The following LINGO2 variants were observed in gnomAD, a reference collection of about 807,000 sequenced individuals.
LINGO2 encodes leucine rich repeat and Ig domain containing 2.
A neutral mutation model predicts 30.6 loss-of-function variants in LINGO2; 14 were observed. That is an observed-to-expected ratio of 0.46 (90% CI 0.30 to 0.72). The LOEUF (loss-of-function observed/expected upper bound fraction) is 0.72. LINGO2 is among the 30% of genes least tolerant of loss of function. The pLI, the probability that LINGO2 is intolerant of heterozygous loss-of-function variation, is 0.07. For missense variants in LINGO2, 729 were observed against 751.7 expected, an observed-to-expected ratio of 0.97 and a Z score of 0.35; for synonymous variants, 317 against 288.5, an observed-to-expected ratio of 1.10 and a Z score of -1.00.
chr9:28,506,748 G>A (rs955157046), intron 1 of LINGO2, among the ~76,000 whole-genome samples: 10 of 151,254 alleles, frequency 6.6e-5, no homozygotes, highest in African/African-American at 2.4e-4. Context: ...GCTGTGAGTT[G>A]TTTTGTCTCT....
At position 28,561,733 on chromosome 9, in the gene LINGO2, T is replaced by G. The variant is rs1414945510; in HGVS notation, c.-364-85708A>C. ...TTATATATAAATGTATTATATATAA[T>G]TTTGTGTGTGTGTGTGTATATATAT... is the stretch of plus-strand genomic sequence containing the variant. On this transcript the variant is annotated intron_variant, in intron 1 of 5. Coordinates refer to ENST00000379992, the Ensembl canonical transcript of LINGO2. 1.1e-3 allele frequency among the ~76,000 whole-genome samples: 37 copies of G among 32,724 alleles called. 1 individual carries two copies. The highest frequency in any genetic ancestry group is 0.019 in the Middle Eastern group (1 of 52). The allele number at this position is 32,724 out of a possible 152,430, so 21.5% of individuals were successfully genotyped here. A position where few individuals can be genotyped will look rare whatever the true frequency, so the allele number is the denominator to read the frequency against.
intron 2 of LINGO2, among the ~76,000 whole-genome samples, chr9:28,426,417 A>G (rs12002685): frequency 2.1e-3 from 327 of 152,232 alleles, no homozygotes; most frequent in African/African-American, 7.5e-3. Flanking sequence ...AAAACTATAA[A>G]TTCAGTAATT....
chr9:28,171,037 G>T (rs1002431737), intron 4 of LINGO2, among the ~76,000 whole-genome samples: 1 of 152,176 alleles, frequency 6.6e-6, no homozygotes, highest in Non-Finnish European at 1.5e-5. Context: ...CCACTTTCTA[G>T]ATGTGTGAGT....
chr9:28,054,938 T>C (rs1413679230), intron 4 of LINGO2, among the ~76,000 whole-genome samples: 8 of 152,136 alleles, frequency 5.3e-5, no homozygotes, highest in Non-Finnish European at 1.2e-4. Context: ...ACTACAAAGC[T>C]ACAGTCTTCT....
the LINGO2 span, among the ~76,000 whole-genome samples, chr9:28,851,138 T>C: frequency 1.3e-5 from 2 of 152,056 alleles, no homozygotes; most frequent in African/African-American, 4.8e-5. Flanking sequence ...ATTAGTTTCC[T>C]ATTACTTCTA....
chr9:29,163,385 T>C, the LINGO2 span, among the ~76,000 whole-genome samples: 1 of 152,316 alleles, frequency 6.6e-6, no homozygotes, highest in African/African-American at 2.4e-5. Flanking sequence ...TAGGTTCCAG[T>C]CTTAAATAAT....
chr9:28,292,937 A>AT (rs1199983850), intron 4 of LINGO2, among the ~76,000 whole-genome samples: 57 of 150,510 alleles, frequency 3.8e-4, no homozygotes, highest in South Asian at 8.4e-4. Context: ...CGCTTGGATA[A>AT]CTTTTTTTGT....
the LINGO2 span, among the ~76,000 whole-genome samples, chr9:29,209,661 T>C: frequency 6.6e-6 from 1 of 152,166 alleles, no homozygotes; most frequent in Non-Finnish European, 1.5e-5. Flanking sequence ...TTTTTAAATT[T>C]AATTTATTTT....
At chr9:28,526,137 C>T (rs186287252) in intron 1 of LINGO2, among the ~76,000 whole-genome samples, 2 of 148,458 alleles carry the variant, frequency 1.3e-5, no homozygotes, top group Non-Finnish European at 3.0e-5. Flanking sequence ...TCAATAAGGA[C>T]ATTAAAATAA....
At chr9:27,981,452 T>C (rs889908624) in intron 5 of LINGO2, among the ~76,000 whole-genome samples, 3 of 146,452 alleles carry the variant, frequency 2.0e-5, no homozygotes, top group African/African-American at 5.1e-5. Context: ...CTCACACTGT[T>C]CCCAGTGGCA....
chr9:28,860,816 T>G, the LINGO2 span, among the ~76,000 whole-genome samples: 61 of 148,922 alleles, frequency 4.1e-4, no homozygotes, highest in African/African-American at 1.4e-3. Context: ...TGTCACTTAG[T>G]TGTACAAATG....
chr9:28,769,883 C>G, the LINGO2 span, among the ~76,000 whole-genome samples: 1 of 151,700 alleles, frequency 6.6e-6, no homozygotes, highest in Non-Finnish European at 1.5e-5. Flanking sequence ...GCTCTTACTA[C>G]TTTTTTGCTC....
chr9:27,962,255 A>C (rs114557063), intron 5 of LINGO2, among the ~76,000 whole-genome samples: 2,460 of 152,190 alleles, frequency 0.016, 56 homozygotes, highest in African/African-American at 0.056. Context: ...GAATTTGCCC[A>C]ATCTGCCTAT....
intron 2 of LINGO2, among the ~76,000 whole-genome samples, chr9:28,439,273 ATGTG>A (rs148850262): frequency 2.0e-5 from 3 of 150,364 alleles, no homozygotes; most frequent in Admixed American, 6.7e-5. Flanking sequence ...ATGTATATAT[ATGTG>A]TGTGTGTGTG....
At chr9:28,345,028 G>T (rs925032298) in intron 3 of LINGO2, among the ~76,000 whole-genome samples, 4 of 151,898 alleles carry the variant, frequency 2.6e-5, no homozygotes, top group Non-Finnish European at 4.4e-5. Flanking sequence ...TATAAAATCT[G>T]GCATCATTCC....
chr9:28,893,374 T>G, the LINGO2 span, among the ~76,000 whole-genome samples: 117 of 152,138 alleles, frequency 7.7e-4, no homozygotes, highest in Middle Eastern at 6.8e-3. Context: ...CTCAGCCCAT[T>G]ACAATGCTGC....
intron 3 of LINGO2, among the ~76,000 whole-genome samples, chr9:28,352,021 A>G (rs1365572580): frequency 1.2e-4 from 18 of 151,280 alleles, no homozygotes; most frequent in African/African-American, 3.9e-4. Context: ...AGAGCTATCT[A>G]TGACAAACCC....
chr9:28,226,278 G>T (rs536150530), intron 4 of LINGO2, among the ~76,000 whole-genome samples: 17 of 152,146 alleles, frequency 1.1e-4, no homozygotes, highest in Admixed American at 2.0e-4. Flanking sequence ...TACATCTCTA[G>T]CCTATCTGAA....
chr9:28,928,937 G>A, the LINGO2 span, among the ~76,000 whole-genome samples: 1 of 152,128 alleles, frequency 6.6e-6, no homozygotes, highest in African/African-American at 2.4e-5. Context: ...CTGCAAAACG[G>A]AAACAGCATG....
Sources: gnomAD v4.1 joint callset for allele counts (sites outside exome capture counted in the v4.1 genomes callset) on GRCh38, gnomAD v4.1.1 for gene constraint, MANE v1.5 for transcripts, NCBI Gene and HGNC (gene_info 2026-07-23, HGNC 2026-07-21) for gene names.